RABGAP1L: variants seen among roughly 807,000 people sequenced by gnomAD.
RABGAP1L encodes RAB GTPase activating protein 1 like, also known as rab GTPase-activating protein 1-like.
Under a neutral mutation model 137.7 loss-of-function variants are expected in RABGAP1L, and 63 were observed. The observed-to-expected ratio is 0.46, with a 90% confidence interval of 0.37 to 0.56. RABGAP1L has a LOEUF of 0.56. Ranked by LOEUF, RABGAP1L falls within the 20% of genes least tolerant of loss-of-function variation. The pLI is 0.00. For missense variants in RABGAP1L, 1,095 were observed against 1,244.0 expected (o/e 0.88, Z 1.80); for synonymous variants, 431 against 433.7 (o/e 0.99, Z 0.08).
intron 10 of RABGAP1L, among the ~76,000 whole-genome samples, chr1:174,293,828 T>C (rs1172334326): frequency 2.0e-5 from 3 of 152,186 alleles, no homozygotes; most frequent in African/African-American, 4.8e-5. Flanking sequence ...TATGCTATGT[T>C]GGGGATATTT....
intron 19 of RABGAP1L, among the ~76,000 whole-genome samples, chr1:174,855,350 C>T (rs116303098): frequency 0.028 from 4,316 of 152,236 alleles, 82 homozygotes; most frequent in Non-Finnish European, 0.04. Flanking sequence ...AAGCTTCTTC[C>T]CACCTTATTT....
intron 13 of RABGAP1L, among the ~76,000 whole-genome samples, chr1:174,450,653 T>C (rs1655331083): frequency 6.6e-6 from 1 of 152,198 alleles, no homozygotes; most frequent in African/African-American, 2.4e-5. Context: ...TACATGGGGT[T>C]GTGTGATAAA....
intron 1 of RABGAP1L, among the ~76,000 whole-genome samples, chr1:174,195,798 T>TTTCTTTCTTTCTATCC (rs199954165): frequency 4.7e-5 from 6 of 128,588 alleles, no homozygotes; most frequent in East Asian, 2.1e-4. Context: ...TCTTTCTTTC[T>TTTCTTTCTTTCTATCC]TTCTTTCTTT....
rs540007159 is a variant in RABGAP1L at position 174,261,143 on chromosome 1, A to T, written c.986+8553A>T. Among the ~76,000 whole-genome samples, 237 of 152,154 alleles carry T rather than the reference A, an allele frequency of 1.6e-3. 1 individual carries two copies. The highest frequency in any genetic ancestry group is 5.5e-3 in the African/African-American group (229 of 41,484). On this transcript the variant is annotated intron_variant, in intron 7 of 25. Transcript: ENST00000681986. Reference sequence around the variant, plus strand: ...CATATTAATACTTGTGCTAACCAGAATGAAGTAGTGATACAGCAAGCAGAA... The same window carrying T: ...CATATTAATACTTGTGCTAACCAGATTGAAGTAGTGATACAGCAAGCAGAA...
At chr1:174,418,533 T>C (rs1017176325) in intron 13 of RABGAP1L, among the ~76,000 whole-genome samples, 2 of 152,208 alleles carry the variant, frequency 1.3e-5, no homozygotes, top group Admixed American at 6.5e-5. Flanking sequence ...TAAGAATGCC[T>C]GTAGCAGTGG....
At chr1:174,263,751 A>G (rs1673794662) in intron 7 of RABGAP1L, among the ~76,000 whole-genome samples, 1 of 150,544 alleles carries the variant, frequency 6.6e-6, no homozygotes, top group Non-Finnish European at 1.5e-5. Flanking sequence ...AAAGCATTTT[A>G]TTTTGCCTTG....
chr1:174,526,666 G>A (rs1032578936), intron 13 of RABGAP1L, among the ~76,000 whole-genome samples: 4 of 151,930 alleles, frequency 2.6e-5, no homozygotes, highest in African/African-American at 9.7e-5. Flanking sequence ...TAGTTTTGTG[G>A]TATCAATTAT....
chr1:174,394,166 T>A, intron 13 of RABGAP1L, 21 bp downstream of exon 13: 1 of 1,605,814 alleles, frequency 6.2e-7, no homozygotes, highest in South Asian at 1.1e-5. Context: ...GTTCTTTTCA[T>A]ATTATTTTCA....
intron 13 of RABGAP1L, among the ~76,000 whole-genome samples, chr1:174,437,836 A>T (rs1187280311): frequency 8.5e-5 from 13 of 152,162 alleles, no homozygotes; most frequent in East Asian, 1.9e-4. Context: ...CGGGTTACCC[A>T]CAAAGGGAAG....
At chr1:174,462,144 C>T (rs1048734446) in intron 13 of RABGAP1L, among the ~76,000 whole-genome samples, 2 of 152,080 alleles carry the variant, frequency 1.3e-5, no homozygotes, top group African/African-American at 4.8e-5. Context: ...AATAATACTT[C>T]TTTTAATGGT....
At chr1:174,467,959 C>G (rs1251700452) in intron 13 of RABGAP1L, among the ~76,000 whole-genome samples, 1 of 152,022 alleles carries the variant, frequency 6.6e-6, no homozygotes, top group South Asian at 2.1e-4. Flanking sequence ...AATAGGAAAA[C>G]GTTAGCATTT....
chr1:174,757,447 A>G (rs1481174186), intron 18 of RABGAP1L, among the ~76,000 whole-genome samples: 2 of 151,480 alleles, frequency 1.3e-5, no homozygotes, highest in Non-Finnish European at 2.9e-5. Flanking sequence ...GTGAGAGTAC[A>G]TTTTCCCATA....
chr1:174,196,575 C>CTT (rs746727810), intron 1 of RABGAP1L, among the ~76,000 whole-genome samples: 4 of 140,558 alleles, frequency 2.8e-5, no homozygotes, highest in African/African-American at 7.8e-5. Flanking sequence ...AATCTTTTTT[C>CTT]TTTTTTTTTT....
At chr1:174,945,153 A>G (rs573114150) in intron 19 of RABGAP1L, among the ~76,000 whole-genome samples, 1 of 152,296 alleles carries the variant, frequency 6.6e-6, no homozygotes, top group Admixed American at 6.5e-5. Context: ...CAGCTGTATC[A>G]GCTTTCTGTG....
At chr1:174,387,225 C>CTTCA (rs919460265) in intron 12 of RABGAP1L, among the ~76,000 whole-genome samples, 19 of 152,270 alleles carry the variant, frequency 1.2e-4, no homozygotes, top group African/African-American at 3.9e-4. Context: ...AAACAAGTCA[C>CTTCA]TTCATTCATT....
intron 10 of RABGAP1L, among the ~76,000 whole-genome samples, chr1:174,281,086 T>C (rs1675487830): frequency 6.6e-6 from 1 of 151,998 alleles, no homozygotes; most frequent in Non-Finnish European, 1.5e-5. Flanking sequence ...ACCTTCGCGG[T>C]GAGTGTTACA....
intron 17 of RABGAP1L, among the ~76,000 whole-genome samples, chr1:174,709,441 G>T (rs149932309): frequency 5.4e-4 from 83 of 152,294 alleles, no homozygotes; most frequent in Middle Eastern, 6.8e-3. Flanking sequence ...CTGGCATCTG[G>T]CAGGTGCCCC....
chr1:174,565,780 T>C (rs181772020), intron 13 of RABGAP1L, among the ~76,000 whole-genome samples: 1 of 152,312 alleles, frequency 6.6e-6, no homozygotes, highest in Admixed American at 6.5e-5. Context: ...TGTATAACAT[T>C]GTATTAATAA....
At chr1:174,964,891 T>C in intron 20 of RABGAP1L, 1 of 1,466,312 alleles carries the variant, frequency 6.8e-7, no homozygotes, top group East Asian at 2.5e-5. Context: ...TCATAAATAT[T>C]TTAGTAGGTG....
Sources: gnomAD v4.1 joint callset for allele counts (sites outside exome capture counted in the v4.1 genomes callset) on GRCh38, gnomAD v4.1.1 for gene constraint, MANE v1.5 for transcripts, NCBI Gene and HGNC (gene_info 2026-07-23, HGNC 2026-07-21) for gene names.